The following ATP6V1A variants were observed in gnomAD, a reference collection of about 807,000 sequenced individuals.
ATP6V1A encodes the protein ATPase H+ transporting V1 subunit A.
Under a neutral mutation model 70.1 loss-of-function variants are expected in ATP6V1A, and 18 were observed. That is an observed-to-expected ratio of 0.26 (90% confidence interval 0.18 to 0.38). ATP6V1A has a LOEUF of 0.38. ATP6V1A is among the 10% of genes least tolerant of loss of function. The pLI is 1.00. For missense variants in ATP6V1A, 424 were observed against 772.4 expected, an observed-to-expected ratio of 0.55 and a Z score of 5.35; for synonymous variants, 232 against 253.8, an observed-to-expected ratio of 0.91 and a Z score of 0.82.
intron 5 of ATP6V1A, among the ~76,000 whole-genome samples, chr3:113,785,268 T>C (rs1709024742): frequency 6.6e-6 from 1 of 151,938 alleles, no homozygotes; most frequent in African/African-American, 2.4e-5. Flanking sequence ...GGTGAAACCC[T>C]GTCTCTACTA....
intron 2 of ATP6V1A, 178 bp from the exon 3 acceptor site, chr3:113,780,872 A>G (rs931611192): frequency 1.0e-4 from 135 of 1,290,902 alleles, no homozygotes; most frequent in Non-Finnish European, 1.4e-4. Flanking sequence ...TCTTTATATT[A>G]TACACTAAAA....
chr3:113,796,070 G>C, intron 11 of ATP6V1A, 131 bp downstream of exon 11: 1 of 756,598 alleles, frequency 1.3e-6, no homozygotes, highest in Non-Finnish European at 2.0e-6. Flanking sequence ...CAATGGTAAA[G>C]TCTGGTTTAG....
chr3:113,784,716 C>T lies in ATP6V1A; in HGVS notation c.447C>T (p.Gly149=), dbSNP rs767161754. Residue 149 remains glycine, a synonymous_variant, in exon 5 of 15, where the codon GGC becomes GGT. Coordinates refer to ENST00000273398, the MANE Select transcript of ATP6V1A (RefSeq NM_001690.4). ...KNLRVGSHIT[G]GDIYGIVSEN... is the part of the protein sequence containing the mutation. The stretch of plus-strand genomic sequence containing the variant: ...TCTAGGTTGGTAGTCATATCACTGG[C>T]GGAGACATTTATGGAATTGTCAGTG... 1.5e-5 allele frequency: 24 copies of T among 1,613,844 alleles called. No homozygotes were observed. The highest frequency in any genetic ancestry group is 9.3e-5 in the African/African-American group (7 of 74,894).
chr3:113,769,397 TA>T (rs1467553992), intron 1 of ATP6V1A, among the ~76,000 whole-genome samples: 5 of 152,240 alleles, frequency 3.3e-5, no homozygotes, highest in African/African-American at 9.6e-5. Context: ...AGATAGTCTT[TA>T]ATCAATTAGA....
chr3:113,807,551 T>A (rs909804697), intron 14 of ATP6V1A, among the ~76,000 whole-genome samples: 2 of 152,176 alleles, frequency 1.3e-5, no homozygotes, highest in Non-Finnish European at 2.9e-5. Flanking sequence ...AAGATAGATA[T>A]TATGAAGGCA....
rs188107188 is a variant in ATP6V1A at position 113,789,015 on chromosome 3, G to A, written c.879+140G>A. 1,780 of 766,650 alleles carry A rather than the reference G, an allele frequency of 2.3e-3. 2 individuals are homozygous for A. The highest frequency in any genetic ancestry group is 3.2e-3 in the Non-Finnish European group (1,550 of 490,694). The allele number at this position is 766,650 out of a possible 1,614,324, so 47.5% of individuals were successfully genotyped here. On this transcript the variant is annotated intron_variant, in intron 7 of 14. Coordinates refer to ENST00000273398, the MANE Select transcript of ATP6V1A (RefSeq NM_001690.4). The stretch of plus-strand genomic sequence containing the variant: ...TTTAAGGAATTTTAAAATTATATTT[G>A]TAATTAATCTGTATATTCAAGAAAA...
intron 14 of ATP6V1A, among the ~76,000 whole-genome samples, chr3:113,807,881 C>T (rs753409954): frequency 2.6e-5 from 4 of 151,978 alleles, no homozygotes; most frequent in Non-Finnish European, 4.4e-5. Context: ...CGTCTGTAAT[C>T]CCAGCACTTT....
intron 8 of ATP6V1A, among the ~76,000 whole-genome samples, chr3:113,791,750 G>T (rs1028910391): frequency 6.6e-6 from 1 of 152,182 alleles, no homozygotes; most frequent in Non-Finnish European, 1.5e-5. Flanking sequence ...AAAATAGGGA[G>T]TACCTACTTG....
chr3:113,790,099 G>C (rs1709075377), intron 8 of ATP6V1A, among the ~76,000 whole-genome samples: 1 of 151,918 alleles, frequency 6.6e-6, no homozygotes, highest in Non-Finnish European at 1.5e-5. Context: ...GTGAAACCCT[G>C]TCTCTACTAA....
At chr3:113,809,306 C>A (rs999023348) in intron 14 of ATP6V1A, 29 bp from the exon 15 acceptor site, 1 of 1,566,940 alleles carries the variant, frequency 6.4e-7, no homozygotes, top group African/African-American at 1.4e-5. Flanking sequence ...TTTCCAAATG[C>A]GAGTTGAATT....
intron 1 of ATP6V1A, among the ~76,000 whole-genome samples, chr3:113,761,080 T>A (rs1708699074): frequency 7.9e-6 from 1 of 126,280 alleles, no homozygotes. Context: ...AAAAAAAAAA[T>A]AGACATATTT....
At chr3:113,759,055 T>A (rs1708673680) in intron 1 of ATP6V1A, among the ~76,000 whole-genome samples, 1 of 152,212 alleles carries the variant, frequency 6.6e-6, no homozygotes, top group Non-Finnish European at 1.5e-5. Context: ...TGGATATAAG[T>A]TCTTTGTCAG....
chr3:113,753,710 T>C (rs947676262), intron 1 of ATP6V1A, among the ~76,000 whole-genome samples: 10 of 151,326 alleles, frequency 6.6e-5, no homozygotes, highest in Non-Finnish European at 2.9e-5. Context: ...TTTTTTTTTT[T>C]CCTGAGACAG....
chr3:113,758,615 G>A (rs1708669891), intron 1 of ATP6V1A, among the ~76,000 whole-genome samples: 1 of 151,996 alleles, frequency 6.6e-6, no homozygotes, highest in South Asian at 2.1e-4. Flanking sequence ...TCCACTTTTT[G>A]GCCATTATGA....
chr3:113,756,680 C>T (rs529071686), intron 1 of ATP6V1A, among the ~76,000 whole-genome samples: 4 of 152,280 alleles, frequency 2.6e-5, no homozygotes, highest in African/African-American at 9.6e-5. Context: ...ACTTGAAATA[C>T]TCCTTAATGT....
At chr3:113,799,909 G>A (rs1029141942) in intron 12 of ATP6V1A, among the ~76,000 whole-genome samples, 7 of 152,056 alleles carry the variant, frequency 4.6e-5, no homozygotes, top group African/African-American at 1.7e-4. Context: ...AACAGTCCAT[G>A]CTCTTGGACG....
chr3:113,764,807 C>T lies in ATP6V1A; in HGVS notation c.-13-13934C>T, dbSNP rs141059485. ...AAAAATAAGGCCCGGCACAGTGGCT[C>T]ATGCCTGTAATCCCAGCACTGTAAT... On this transcript the variant is annotated intron_variant, in intron 1 of 14. Coordinates refer to ENST00000273398, the MANE Select transcript of ATP6V1A (RefSeq NM_001690.4). Among the ~76,000 whole-genome samples the T allele has an allele frequency of 8.8e-3, 1,342 of 152,110 alleles. 20 individuals are homozygous for T. The highest frequency in any genetic ancestry group is 0.063 in the South Asian group (303 of 4,810).
intron 1 of ATP6V1A, among the ~76,000 whole-genome samples, chr3:113,763,055 A>G (rs1484076819): frequency 1.3e-5 from 2 of 151,904 alleles, no homozygotes; most frequent in Non-Finnish European, 2.9e-5. Flanking sequence ...TCTTATTACC[A>G]TTAGTCAATT....
intron 13 of ATP6V1A, among the ~76,000 whole-genome samples, chr3:113,804,920 T>C (rs1477802830): frequency 6.6e-6 from 1 of 152,228 alleles, no homozygotes; most frequent in African/African-American, 2.4e-5. Context: ...GTTTCCTGCT[T>C]TCCTATTACT....
Sources: gnomAD v4.1 joint callset for allele counts (sites outside exome capture counted in the v4.1 genomes callset) on GRCh38, gnomAD v4.1.1 for gene constraint, MANE v1.5 for transcripts, NCBI Gene and HGNC (gene_info 2026-07-23, HGNC 2026-07-21) for gene names.